Variants in RBFOX1 observed in about 807,000 individuals in gnomAD.
RBFOX1 encodes the protein RNA binding protein fox-1 homolog 1.
Under a neutral mutation model 57.7 loss-of-function variants are expected in RBFOX1, and 8 were observed. The ratio of observed to expected loss-of-function variants is 0.14; its 90% CI spans 0.08 to 0.25. The LOEUF (loss-of-function observed/expected upper bound fraction) is 0.25, where lower values mean the gene tolerates loss of function less well. Ranked by LOEUF, RBFOX1 falls within the 10% of genes least tolerant of loss-of-function variation. The pLI, the probability that RBFOX1 is intolerant of heterozygous loss-of-function variation, is 1.00. For synonymous variants in RBFOX1, 326 were observed against 222.4 expected (o/e 1.47, Z -4.15); for missense variants, 611 against 548.5 (o/e 1.11, Z -1.14).
chr16:7,252,262 C>G (rs59388925), intron 4 of RBFOX1, among the ~76,000 whole-genome samples: 11,697 of 152,238 alleles, frequency 0.077, 1,188 homozygotes, highest in African/African-American at 0.24. Flanking sequence ...TCATTCAAAA[C>G]TTTAAATTTT....
At position 7,331,735 on chromosome 16, in the gene RBFOX1, C is replaced by T. The variant is rs186003103; in HGVS notation, c.28-186412C>T. 3.2e-4 allele frequency among the ~76,000 whole-genome samples: 49 copies of T among 152,204 alleles called. No individual in the cohort carries two copies. In the East Asian group the frequency reaches 4.6e-3, roughly 14 times the overall value. ...AACAGGGTTCAGAGAGGCTAAGTAA[C>T]TTGTTCAAGATCACACAGCTAGTGA... On this transcript the variant is annotated intron_variant, in intron 4 of 15. Transcript: ENST00000550418.
chr16:6,629,961 T>TG (rs1376203249), intron 2 of RBFOX1, among the ~76,000 whole-genome samples: 3 of 68,060 alleles, frequency 4.4e-5, no homozygotes, highest in Non-Finnish European at 9.3e-5. Flanking sequence ...TTCGGTAGGT[T>TG]TTTTTTTTTT....
chr16:5,571,397 T>A (rs1402149256), intron 2 of RBFOX1, among the ~76,000 whole-genome samples: 1 of 151,790 alleles, frequency 6.6e-6, no homozygotes, highest in Non-Finnish European at 1.5e-5. Context: ...TTTTTTTTAG[T>A]AGAGATGGGG....
At chr16:6,224,032 G>T (rs2097397542) in intron 1 of RBFOX1, among the ~76,000 whole-genome samples, 1 of 152,134 alleles carries the variant, frequency 6.6e-6, no homozygotes, top group Non-Finnish European at 1.5e-5. Flanking sequence ...CGTTATTTCT[G>T]AGGGCTCTGT....
At chr16:7,033,268 C>G (rs939593021) in intron 3 of RBFOX1, among the ~76,000 whole-genome samples, 2 of 152,292 alleles carry the variant, frequency 1.3e-5, no homozygotes, top group East Asian at 1.9e-4. Context: ...GCCTGTAATC[C>G]TAGAACTTTG....
chr16:6,673,751 A>G (rs1055666254), intron 3 of RBFOX1, among the ~76,000 whole-genome samples: 1 of 152,212 alleles, frequency 6.6e-6, no homozygotes, highest in Non-Finnish European at 1.5e-5. Context: ...ACAGAAATGT[A>G]TCATCTGTCA....
At chr16:7,137,411 G>A (rs763663514) in intron 4 of RBFOX1, among the ~76,000 whole-genome samples, 4 of 152,228 alleles carry the variant, frequency 2.6e-5, no homozygotes, top group East Asian at 1.9e-4. Context: ...TCGTGGTAGC[G>A]AGTAAGTCTG....
intron 4 of RBFOX1, among the ~76,000 whole-genome samples, chr16:7,409,112 T>C (rs773698586): frequency 3.2e-4 from 48 of 152,286 alleles, no homozygotes; most frequent in Non-Finnish European, 4.7e-4. Flanking sequence ...GCGCTGTCGC[T>C]CTAAGCCAGA....
At chr16:6,527,567 G>A (rs1320195984) in intron 2 of RBFOX1, among the ~76,000 whole-genome samples, 2 of 152,024 alleles carry the variant, frequency 1.3e-5, no homozygotes, top group Non-Finnish European at 2.9e-5. Context: ...ACACATTTTT[G>A]TTTTATTATT....
chr16:6,262,738 G>A (rs568390381), intron 1 of RBFOX1, among the ~76,000 whole-genome samples: 1 of 152,258 alleles, frequency 6.6e-6, no homozygotes, highest in Admixed American at 6.5e-5. Context: ...AGATGTCTCT[G>A]CCAGCTGGGA....
chr16:7,172,621 C>A (rs1026855053), intron 4 of RBFOX1, among the ~76,000 whole-genome samples: 1 of 152,146 alleles, frequency 6.6e-6, no homozygotes, highest in South Asian at 2.1e-4. Context: ...AAAACTCTCT[C>A]TTACTTACTG....
chr16:5,361,923 T>G (rs527531849), intron 1 of RBFOX1, among the ~76,000 whole-genome samples: 123 of 152,364 alleles, frequency 8.1e-4, no homozygotes, highest in Admixed American at 4.4e-3. Context: ...GAGAATGGTT[T>G]GGACAGCAGG....
chr16:6,447,240 G>C (rs1468421289), intron 2 of RBFOX1, among the ~76,000 whole-genome samples: 1 of 152,128 alleles, frequency 6.6e-6, no homozygotes, highest in African/African-American at 2.4e-5. Context: ...TGGAGTTACA[G>C]AGTCTGCCAG....
chr16:7,217,035 C>CCCTCCCTCCCTCCCTT (rs2092202048), intron 4 of RBFOX1, among the ~76,000 whole-genome samples: 1 of 87,102 alleles, frequency 1.1e-5, no homozygotes, highest in African/African-American at 5.1e-5. Flanking sequence ...CTCCCTCCCT[C>CCCTCCCTCCCTCCCTT]CCTCCCTCCC....
intron 8 of RBFOX1, among the ~76,000 whole-genome samples, chr16:7,596,288 C>T (rs1228649696): frequency 1.3e-5 from 2 of 151,056 alleles, no homozygotes; most frequent in African/African-American, 4.9e-5. Flanking sequence ...AGCATAAATA[C>T]CAAAATACTG....
chr16:5,887,568 ATTTT>A (rs1393195886), intron 4 of RBFOX1, among the ~76,000 whole-genome samples: 2 of 151,372 alleles, frequency 1.3e-5, no homozygotes, highest in South Asian at 2.1e-4. Context: ...CGCCTGGATA[ATTTT>A]TTTTTCTTTT....
At chr16:6,852,509 A>T (rs1037609422) in intron 3 of RBFOX1, among the ~76,000 whole-genome samples, 2 of 152,194 alleles carry the variant, frequency 1.3e-5, no homozygotes, top group African/African-American at 4.8e-5. Flanking sequence ...ACAAGTAGGG[A>T]ACAATTCCTT....
chr16:7,165,878 G>C (rs2079371021), intron 4 of RBFOX1, among the ~76,000 whole-genome samples: 2 of 150,790 alleles, frequency 1.3e-5, no homozygotes, highest in South Asian at 4.2e-4. Flanking sequence ...TTTTATTCTT[G>C]AATAGATATG....
chr16:5,978,722 T>G (rs995171925), intron 4 of RBFOX1, among the ~76,000 whole-genome samples: 3 of 151,962 alleles, frequency 2.0e-5, no homozygotes, highest in African/African-American at 7.2e-5. Flanking sequence ...ATGACAGTGT[T>G]GAGGGGTACC....
Sources: gnomAD v4.1 joint callset for allele counts (sites outside exome capture counted in the v4.1 genomes callset) on GRCh38, gnomAD v4.1.1 for gene constraint, MANE v1.5 for transcripts, NCBI Gene and HGNC (gene_info 2026-07-23, HGNC 2026-07-21) for gene names.